The following TGFBR3 variants were observed in gnomAD, a reference collection of about 807,000 sequenced individuals.
TGFBR3 encodes transforming growth factor beta receptor type 3.
In TGFBR3, 46 loss-of-function variants were observed where a neutral mutation model predicts 87.9. That is an observed-to-expected ratio of 0.52 (90% CI 0.41 to 0.67). TGFBR3 has a LOEUF of 0.67. Ranked by LOEUF, TGFBR3 falls within the 30% of genes least tolerant of loss-of-function variation. The pLI, the probability that TGFBR3 is intolerant of heterozygous loss-of-function variation, is 0.00. For synonymous variants in TGFBR3, 381 were observed against 391.6 expected (o/e 0.97, Z 0.32); for missense variants, 866 against 1,041.9 (o/e 0.83, Z 2.32).
chr1:91,871,911 T>C (rs1479787104), intron 1 of TGFBR3, among the ~76,000 whole-genome samples: 1 of 152,220 alleles, frequency 6.6e-6, no homozygotes, highest in African/African-American at 2.4e-5. Flanking sequence ...CTTCATGGGA[T>C]TGTTATGATG....
At chr1:91,726,349 C>T (rs1272320471) in intron 7 of TGFBR3, among the ~76,000 whole-genome samples, 1 of 152,094 alleles carries the variant, frequency 6.6e-6, no homozygotes, top group African/African-American at 2.4e-5. Context: ...AAACATTTGG[C>T]CGGTGTGCCA....
chr1:91,854,098 ATGT>A (rs1301437496), intron 2 of TGFBR3, among the ~76,000 whole-genome samples: 4 of 152,122 alleles, frequency 2.6e-5, no homozygotes, highest in Non-Finnish European at 5.9e-5. Flanking sequence ...GACTGAGGAG[ATGT>A]TGGTCAAATA....
At chr1:91,726,252 G>T (rs17131541) in intron 7 of TGFBR3, among the ~76,000 whole-genome samples, 9,311 of 152,214 alleles carry the variant, frequency 0.061, 378 homozygotes, top group East Asian at 0.22. Flanking sequence ...ATTTACACAA[G>T]AACTCCAGCA....
chr1:91,851,481 C>T (rs1370732665), intron 2 of TGFBR3, among the ~76,000 whole-genome samples: 1 of 152,150 alleles, frequency 6.6e-6, no homozygotes, highest in Non-Finnish European at 1.5e-5. Flanking sequence ...GCACGCTTCC[C>T]GGAACACTTC....
At chr1:91,866,936 G>C (rs1335563572) in intron 1 of TGFBR3, 2 of 152,226 alleles carry the variant, frequency 1.3e-5, no homozygotes, top group Admixed American at 1.3e-4. Context: ...CCCTCACGCT[G>C]TACAGAGAAC....
At chr1:91,776,572 T>C (rs1674573743) in intron 3 of TGFBR3, among the ~76,000 whole-genome samples, 1 of 152,140 alleles carries the variant, frequency 6.6e-6, no homozygotes, top group South Asian at 2.1e-4. Context: ...TCCAGGGGTG[T>C]TGAAAAAAAC....
At chr1:91,793,729 C>T (rs1391561618) in intron 3 of TGFBR3, among the ~76,000 whole-genome samples, 1 of 150,566 alleles carries the variant, frequency 6.6e-6, no homozygotes, top group African/African-American at 2.5e-5. Flanking sequence ...TTGCTTGAAC[C>T]CGGGAGGTGG....
chr1:91,795,857 T>C (rs1266249551), intron 3 of TGFBR3, among the ~76,000 whole-genome samples: 2 of 152,178 alleles, frequency 1.3e-5, no homozygotes, highest in African/African-American at 4.8e-5. Flanking sequence ...TTAACAATAA[T>C]TTCCAATGTT....
intron 2 of TGFBR3, among the ~76,000 whole-genome samples, chr1:91,835,332 T>C (rs1313234685): frequency 2.0e-5 from 3 of 152,202 alleles, no homozygotes; most frequent in Admixed American, 6.5e-5. Flanking sequence ...AGACAAAAAT[T>C]CTATGTAGCT....
chr1:91,780,536 C>T (rs973715787), intron 3 of TGFBR3, among the ~76,000 whole-genome samples: 8 of 142,344 alleles, frequency 5.6e-5, no homozygotes, highest in Non-Finnish European at 4.6e-5. Context: ...TACTAGTTCC[C>T]GCAAGGGTCT....
chr1:91,727,061 C>A (rs1420804422), intron 7 of TGFBR3, among the ~76,000 whole-genome samples: 1 of 152,196 alleles, frequency 6.6e-6, no homozygotes, highest in Admixed American at 6.5e-5. Context: ...TGGGAACAAG[C>A]TGGAGTAGAC....
Position 91,683,805 on chromosome 1 carries a change from G to A in TGFBR3, c.2490C>T (p.Asn830=), listed in dbSNP as rs779079477. Reference sequence around the variant, plus strand: ...TGCCGATGCTGTGGGCAGCACTGCTGTTTTCCGAGGCTGGCGGGGAGGTGG... The same window carrying A: ...TGCCGATGCTGTGGGCAGCACTGCTATTTTCCGAGGCTGGCGGGGAGGTGG... ...QVPTSPPASE[N]SSAAHSIGST... Residue 830 remains asparagine (N), a synonymous_variant, in exon 17 of 17, where the codon AAC becomes AAT. Coordinates refer to ENST00000212355, the MANE Select transcript of TGFBR3 (RefSeq NM_003243.5). 8 of 1,609,238 alleles carry A rather than the reference G, an allele frequency of 5.0e-6. No homozygotes were observed. The South Asian group carries it at 6.7e-5, about 13-fold the overall frequency.
At chr1:91,745,568 C>A (rs1005712145) in intron 4 of TGFBR3, among the ~76,000 whole-genome samples, 3 of 152,148 alleles carry the variant, frequency 2.0e-5, no homozygotes, top group African/African-American at 7.2e-5. Flanking sequence ...ACACAAAGTC[C>A]AGCAAAAACA....
At chr1:91,725,017 T>C (rs939355079) in intron 7 of TGFBR3, among the ~76,000 whole-genome samples, 11 of 152,160 alleles carry the variant, frequency 7.2e-5, no homozygotes, top group African/African-American at 2.7e-4. Context: ...AGAGGAAACC[T>C]CTAACAGGTT....
intron 4 of TGFBR3, among the ~76,000 whole-genome samples, chr1:91,742,424 T>C (rs1313970267): frequency 1.3e-5 from 2 of 152,226 alleles, no homozygotes; most frequent in South Asian, 2.1e-4. Flanking sequence ...AGATACACCA[T>C]AATTGATTCA....
At chr1:91,745,736 C>T (rs1673322692) in intron 4 of TGFBR3, among the ~76,000 whole-genome samples, 1 of 152,220 alleles carries the variant, frequency 6.6e-6, no homozygotes, top group Non-Finnish European at 1.5e-5. Flanking sequence ...CAATCCGAAA[C>T]ATGTTTTCTA....
chr1:91,799,936 T>A (rs1363483559), intron 2 of TGFBR3, among the ~76,000 whole-genome samples: 6 of 152,132 alleles, frequency 3.9e-5, no homozygotes, highest in Non-Finnish European at 8.8e-5. Context: ...TTAGAGTCTA[T>A]GCTCTCTGTT....
intron 2 of TGFBR3, among the ~76,000 whole-genome samples, chr1:91,898,781 A>G (rs1679614886): frequency 6.6e-6 from 1 of 152,188 alleles, no homozygotes. Flanking sequence ...TTCCTATAAG[A>G]AATAAAATAT....
chr1:91,779,925 T>C (rs1452146760), intron 3 of TGFBR3, among the ~76,000 whole-genome samples: 3 of 152,186 alleles, frequency 2.0e-5, no homozygotes, highest in Non-Finnish European at 4.4e-5. Context: ...GGAGAGAACC[T>C]GTTCCCAGCC....
Sources: gnomAD v4.1 joint callset for allele counts (sites outside exome capture counted in the v4.1 genomes callset) on GRCh38, gnomAD v4.1.1 for gene constraint, MANE v1.5 for transcripts, NCBI Gene and HGNC (gene_info 2026-07-23, HGNC 2026-07-21) for gene names.